Variants in BTG4 observed in about 807,000 individuals in gnomAD.
BTG4 encodes the protein protein BTG4.
A neutral mutation model predicts 19.3 loss-of-function variants in BTG4; 10 were observed. The ratio of observed to expected loss-of-function variants is 0.52; its 90% CI spans 0.32 to 0.88. The LOEUF (loss-of-function observed/expected upper bound fraction) is 0.88. BTG4 is among the 40% of genes least tolerant of loss of function. The probability of loss-of-function intolerance (pLI) is 0.04; values close to 1 mark genes in which losing one functional copy is unlikely to be tolerated. For missense variants in BTG4, 238 were observed against 281.9 expected (o/e 0.84, Z 1.11); for synonymous variants, 91 against 95.7 (o/e 0.95, Z 0.29).
chr11:111,506,166 C>T (rs193214744), intron 1 of BTG4, among the ~76,000 whole-genome samples: 74 of 152,226 alleles, frequency 4.9e-4, no homozygotes, highest in African/African-American at 1.7e-3. Flanking sequence ...CAAAAAGATA[C>T]TTGTACTTGT....
At chr11:111,504,722 A>G (rs1413245002) in intron 1 of BTG4, among the ~76,000 whole-genome samples, 1 of 152,048 alleles carries the variant, frequency 6.6e-6, no homozygotes, top group Non-Finnish European at 1.5e-5. Context: ...AGAAAACCCT[A>G]AAGACTCCTC....
chr11:111,394,751 T>G, the BTG4 span, among the ~76,000 whole-genome samples: 1 of 152,202 alleles, frequency 6.6e-6, no homozygotes, highest in Non-Finnish European at 1.5e-5. Flanking sequence ...TGTGCCTGGT[T>G]TGAGAGACAG....
the BTG4 span, among the ~76,000 whole-genome samples, chr11:111,425,372 T>C: frequency 2.6e-5 from 4 of 152,192 alleles, no homozygotes; most frequent in East Asian, 5.8e-4. Flanking sequence ...CCTGGCCTCA[T>C]GGAGCTCATA....
chr11:111,447,017 C>T, the BTG4 span, among the ~76,000 whole-genome samples: 3 of 152,222 alleles, frequency 2.0e-5, no homozygotes, highest in East Asian at 1.9e-4. Context: ...CTAATTACTG[C>T]GTGGCTGTCC....
the BTG4 span, among the ~76,000 whole-genome samples, chr11:111,438,358 G>A: frequency 6.6e-6 from 1 of 152,168 alleles, no homozygotes; most frequent in Admixed American, 6.5e-5. Context: ...AGGGCACACA[G>A]CCAGCCTGCA....
chr11:111,501,610 A>ACAGTAGACAAATTATAGGTAACAATTG (rs1319214295), intron 1 of BTG4, among the ~76,000 whole-genome samples: 1 of 152,204 alleles, frequency 6.6e-6, no homozygotes, highest in African/African-American at 2.4e-5. Flanking sequence ...TTATTCTAGT[A>ACAGTAGACAAATTATAGGTAACAATTG]CAGTAGACAA....
downstream of BTG4, among the ~76,000 whole-genome samples, chr11:111,494,392 G>T (rs1029518579): frequency 1.3e-5 from 2 of 152,200 alleles, no homozygotes; most frequent in Non-Finnish European, 2.9e-5. Context: ...ATTTAGAAGA[G>T]TCAAACTATT....
downstream of BTG4, among the ~76,000 whole-genome samples, chr11:111,492,390 G>C (rs985763645): frequency 6.6e-6 from 1 of 151,754 alleles, no homozygotes; most frequent in African/African-American, 2.4e-5. Flanking sequence ...TCTTTTTTTA[G>C]TCCACTAAAT....
the BTG4 span, among the ~76,000 whole-genome samples, chr11:111,442,384 C>T: frequency 0.011 from 1,746 of 151,856 alleles, 33 homozygotes; most frequent in African/African-American, 0.039. Flanking sequence ...AGCTGTAGTC[C>T]CAGCTACTCA....
chr11:111,506,882 T>C (rs1866488853), intron 1 of BTG4, among the ~76,000 whole-genome samples: 1 of 152,024 alleles, frequency 6.6e-6, no homozygotes, highest in Non-Finnish European at 1.5e-5. Context: ...GGGAAGATTT[T>C]ACCCAGGAAG....
upstream of BTG4, among the ~76,000 whole-genome samples, chr11:111,512,776 C>T (rs977383393): frequency 6.6e-6 from 1 of 151,810 alleles, no homozygotes; most frequent in Non-Finnish European, 1.5e-5. Context: ...GCGTGTTGTG[C>T]GCTGCGAGGC....
chr11:111,446,047 C>A, the BTG4 span, among the ~76,000 whole-genome samples: 1 of 152,130 alleles, frequency 6.6e-6, no homozygotes, highest in South Asian at 2.1e-4. Context: ...ATAATAGAAA[C>A]AGGATAGAGA....
At chr11:111,398,927 C>A in the BTG4 span, among the ~76,000 whole-genome samples, 1 of 152,056 alleles carries the variant, frequency 6.6e-6, no homozygotes, top group African/African-American at 2.4e-5. Context: ...CTGTAAAGGT[C>A]TAATATTTTG....
At chr11:111,401,181 G>C in the BTG4 span, 2 of 151,584 alleles carry the variant, frequency 1.3e-5, no homozygotes, top group Non-Finnish European at 2.9e-5. Flanking sequence ...AGTTGCATAA[G>C]TTGATAATAT....
At chr11:111,500,065 C>T (rs1203588801) in intron 1 of BTG4, among the ~76,000 whole-genome samples, 8 of 151,990 alleles carry the variant, frequency 5.3e-5, no homozygotes, top group African/African-American at 1.9e-4. Context: ...TCACTTGAAC[C>T]CAGGAGGTGG....
intron 5 of BTG4, among the ~76,000 whole-genome samples, chr11:111,487,773 T>C (rs1865155729): frequency 6.6e-6 from 1 of 152,054 alleles, no homozygotes; most frequent in Admixed American, 6.6e-5. Flanking sequence ...TTGCAGGATA[T>C]AAAAATCAAC....
intron 1 of BTG4, among the ~76,000 whole-genome samples, chr11:111,508,097 G>A (rs188584820): frequency 2.6e-5 from 4 of 152,070 alleles, no homozygotes; most frequent in African/African-American, 9.7e-5. Context: ...TCTACTTTTC[G>A]TCGAAGTCTG....
At chr11:111,473,270 G>C (rs1000242900) in intron 5 of BTG4, 1 of 152,532 alleles carries the variant, frequency 6.6e-6, no homozygotes, top group African/African-American at 2.4e-5. Flanking sequence ...GGTAACAAGA[G>C]TATTAACTCT....
chr11:111,514,381 A>C, upstream of BTG4: 1 of 245,934 alleles, frequency 4.1e-6, no homozygotes. Context: ...ACTTCCACCT[A>C]GCAGGTGCTG....
Sources: gnomAD v4.1 joint callset for allele counts (sites outside exome capture counted in the v4.1 genomes callset) on GRCh38, gnomAD v4.1.1 for gene constraint, MANE v1.5 for transcripts, NCBI Gene and HGNC (gene_info 2026-07-23, HGNC 2026-07-21) for gene names.